CCDC158: variants seen among roughly 807,000 people sequenced by gnomAD.
The protein encoded by CCDC158 is coiled-coil domain containing 158.
CCDC158 carries 116 observed loss-of-function variants against 138.6 expected under a neutral mutation model. That is an observed-to-expected ratio of 0.84 (90% CI 0.72 to 0.98). The LOEUF is 0.98. CCDC158 is among the 50% of genes least tolerant of loss of function. CCDC158 has a pLI of 0.00. For synonymous variants in CCDC158, 436 were observed against 442.4 expected (o/e 0.99, Z 0.18); for missense variants, 1,265 against 1,306.1 (o/e 0.97, Z 0.48).
intron 4 of CCDC158, among the ~76,000 whole-genome samples, chr4:76,396,022 A>G (rs1330296340): frequency 1.3e-5 from 2 of 152,266 alleles, no homozygotes; most frequent in South Asian, 2.1e-4. Flanking sequence ...TTTCATTAAA[A>G]TTTATATCAT....
At chr4:76,330,753 G>A (rs1024093991) in intron 21 of CCDC158, among the ~76,000 whole-genome samples, 1 of 152,154 alleles carries the variant, frequency 6.6e-6, no homozygotes, top group Non-Finnish European at 1.5e-5. Context: ...ATGGGAAGAT[G>A]TGTGTAGGTC....
At chr4:76,336,789 C>A (rs554723609) in intron 18 of CCDC158, among the ~76,000 whole-genome samples, 1 of 152,300 alleles carries the variant, frequency 6.6e-6, no homozygotes, top group East Asian at 1.9e-4. Flanking sequence ...CTGAGCAGAG[C>A]AGAGAACTGT....
intron 18 of CCDC158, chr4:76,344,563 C>A: frequency 9.2e-7 from 1 of 1,090,842 alleles, no homozygotes; most frequent in Non-Finnish European, 1.4e-6. Flanking sequence ...ACATCTGTAT[C>A]TCTGGACCTG....
In CCDC158 at chr4:76,331,422, G is replaced by A. The variant is rs1721002210; in HGVS notation, c.2883-19C>T. On this transcript the variant is annotated intron_variant, in intron 20 of 24. Transcript: ENST00000682701. ...GTTGCTTCTGTTGGTAGAGGGATGG[G>A]AGAAATCACAGTTTAAATAATGTTA... 5 of 1,606,022 alleles carry A rather than the reference G, an allele frequency of 3.1e-6. No individual in the cohort carries two copies. Among genetic ancestry groups the A allele is most frequent in the Non-Finnish European group, 4.3e-6 (5 of 1,172,894 alleles).
At chr4:76,416,626 G>T (rs1346914443) in intron 1 of CCDC158, among the ~76,000 whole-genome samples, 1 of 152,204 alleles carries the variant, frequency 6.6e-6, no homozygotes, top group African/African-American at 2.4e-5. Flanking sequence ...CTGTGTCCCA[G>T]CTGCTCCAGT....
chr4:76,332,805 G>A (rs550003754), intron 19 of CCDC158, among the ~76,000 whole-genome samples: 3 of 152,290 alleles, frequency 2.0e-5, no homozygotes, highest in Admixed American at 1.3e-4. Flanking sequence ...GTCCAATAGC[G>A]TCCAAGCCCA....
Position 76,357,391 on chromosome 4 carries a change from T to C in CCDC158, c.2156A>G (p.Glu719Gly). 6.3e-7 allele frequency: 1 copy of C among 1,579,844 alleles called. No individual in the cohort carries two copies. The highest frequency in any genetic ancestry group is 1.2e-5 in the South Asian group (1 of 82,986). The part of the protein sequence containing the change: ...EQTRNTLKSM[E>G]GSDGHAMKVA... ...GAGCATACCATGACCATCAGATCCTTCCATTGACTTTAATGTATTTCTTGT... is the reference window on the plus strand; with the variant it reads ...GAGCATACCATGACCATCAGATCCTCCCATTGACTTTAATGTATTTCTTGT... Residue 719 changes from glutamate to glycine, a missense_variant, in exon 14 of 25, where the codon GAA becomes GGA. Physicochemically the swap from Glu to Gly is moderately conservative, Grantham distance 98. Transcript: ENST00000682701.
chr4:76,369,268 A>G (rs1382745232), intron 11 of CCDC158, among the ~76,000 whole-genome samples, 158 bp downstream of exon 11: 1 of 152,224 alleles, frequency 6.6e-6, no homozygotes, highest in Non-Finnish European at 1.5e-5. Flanking sequence ...AAAAATAAGT[A>G]TCAGGTTTTC....
chr4:76,344,251 A>G (rs1722330742), intron 18 of CCDC158, among the ~76,000 whole-genome samples: 1 of 152,238 alleles, frequency 6.6e-6, no homozygotes, highest in African/African-American at 2.4e-5. Flanking sequence ...ACTCTCATTC[A>G]TAATTGCTAC....
chr4:76,324,888 C>T (rs1404798873), intron 23 of CCDC158, among the ~76,000 whole-genome samples: 2 of 152,142 alleles, frequency 1.3e-5, no homozygotes, highest in Non-Finnish European at 2.9e-5. Context: ...TACAAGGATC[C>T]ACCACCTTGT....
At chr4:76,384,735 A>C (rs1726628023) in intron 4 of CCDC158, 70 bp from the exon 5 acceptor site, 2 of 997,566 alleles carry the variant, frequency 2.0e-6, no homozygotes, top group East Asian at 4.8e-5. Context: ...GTAACTTCCA[A>C]AGATCTATAT....
chr4:76,390,073 G>A (rs1370923193), intron 4 of CCDC158, among the ~76,000 whole-genome samples: 1 of 152,044 alleles, frequency 6.6e-6, no homozygotes, highest in Non-Finnish European at 1.5e-5. Context: ...ATATAACACT[G>A]TAATTGTGGT....
At chr4:76,315,033 C>T (rs888802217) in intron 24 of CCDC158, among the ~76,000 whole-genome samples, 7 of 152,078 alleles carry the variant, frequency 4.6e-5, no homozygotes, top group African/African-American at 1.7e-4. Flanking sequence ...CTGATCTGCC[C>T]GCCACCCCCA....
chr4:76,361,408 A>G (rs1461465844), intron 13 of CCDC158, among the ~76,000 whole-genome samples: 1 of 151,914 alleles, frequency 6.6e-6, no homozygotes. Flanking sequence ...TAAAAATACA[A>G]AAAATTAGCC....
At chr4:76,384,956 A>G (rs977416601) in intron 4 of CCDC158, among the ~76,000 whole-genome samples, 5 of 152,220 alleles carry the variant, frequency 3.3e-5, no homozygotes, top group African/African-American at 1.2e-4. Context: ...TACATTTTTT[A>G]CATGAAAACA....
intron 1 of CCDC158, among the ~76,000 whole-genome samples, chr4:76,417,534 T>C (rs1245103958): frequency 6.6e-6 from 1 of 152,106 alleles, no homozygotes; most frequent in African/African-American, 2.4e-5. Context: ...ATCCCAGAAT[T>C]CCCATGTGTC....
chr4:76,354,766 C>T (rs975038348), intron 15 of CCDC158, among the ~76,000 whole-genome samples: 16 of 152,178 alleles, frequency 1.1e-4, no homozygotes, highest in African/African-American at 3.9e-4. Context: ...TCCGGTGTTA[C>T]AGGAAACTCT....
chr4:76,341,540 G>A (rs1722045882), intron 18 of CCDC158, among the ~76,000 whole-genome samples: 1 of 152,270 alleles, frequency 6.6e-6, no homozygotes, highest in Admixed American at 6.5e-5. Flanking sequence ...ATCAAGCACA[G>A]TAGTAACAAA....
At chr4:76,410,861 G>A (rs550447353) in intron 2 of CCDC158, among the ~76,000 whole-genome samples, 178 of 152,188 alleles carry the variant, frequency 1.2e-3, no homozygotes, top group Non-Finnish European at 2.3e-3. Flanking sequence ...TCTGGATGTT[G>A]TAATCCTAGC....
Sources: allele counts gnomAD v4.1 joint callset (sites outside exome capture counted in the v4.1 genomes callset), GRCh38; gene constraint gnomAD v4.1.1; transcripts MANE v1.5; gene names NCBI Gene and HGNC (gene_info 2026-07-23, HGNC 2026-07-21).